SPAG17: variants seen among roughly 807,000 people sequenced by gnomAD.
The protein encoded by SPAG17 is sperm associated antigen 17.
Under a neutral mutation model 273.6 loss-of-function variants are expected in SPAG17, and 169 were observed. That is an observed-to-expected ratio of 0.62 (90% CI 0.55 to 0.70). The LOEUF (loss-of-function observed/expected upper bound fraction) is 0.70, where lower values mean the gene tolerates loss of function less well. Among genes scored for constraint, SPAG17 ranks in the 30% least tolerant of loss-of-function variants. The pLI is 0.00. For synonymous variants in SPAG17, 825 were observed against 873.2 expected, an observed-to-expected ratio of 0.94 and a Z score of 0.97; for missense variants, 2,557 against 2,627.8, an observed-to-expected ratio of 0.97 and a Z score of 0.59.
At position 117,983,915 on chromosome 1, in the gene SPAG17, T is replaced by C. The variant is rs41276606; in HGVS notation, c.5770-2A>G. 1.3e-6 allele frequency: 2 copies of C among 1,571,776 alleles called. No individual in the cohort carries two copies. Among genetic ancestry groups the C allele is most frequent in the Non-Finnish European group, 1.7e-6 (2 of 1,148,922 alleles). On this transcript the variant is annotated splice_acceptor_variant, in intron 41 of 48. Transcript: ENST00000336338. LOFTEE classifies it high-confidence loss of function. ...GGAAAGACTGTCCAGGTGATTATAC[T>C]GAAAGGAAAAAAAAACTTATTTTAG...
intron 17 of SPAG17, among the ~76,000 whole-genome samples, chr1:118,071,033 T>A (rs941731205): frequency 6.6e-6 from 1 of 151,800 alleles, no homozygotes; most frequent in Non-Finnish European, 1.5e-5. Context: ...TTTTTTTTCA[T>A]GGAGAATTTA....
intron 3 of SPAG17, among the ~76,000 whole-genome samples, chr1:118,131,326 T>C (rs576872872): frequency 4.5e-4 from 68 of 152,288 alleles, no homozygotes; most frequent in African/African-American, 1.6e-3. Flanking sequence ...GGGAGGCTCT[T>C]CCCCAGATGA....
intron 39 of SPAG17, 57 bp from the exon 40 acceptor site, chr1:117,987,938 C>A: frequency 6.9e-6 from 11 of 1,586,372 alleles, no homozygotes; most frequent in South Asian, 1.1e-5. Context: ...AGCTTAAAAA[C>A]AAAACCAAAA....
intron 25 of SPAG17, among the ~76,000 whole-genome samples, chr1:118,028,940 C>T (rs1648103013): frequency 6.6e-6 from 1 of 152,122 alleles, no homozygotes; most frequent in African/African-American, 2.4e-5. Flanking sequence ...TGTGAGGACA[C>T]ATTGAAGGAA....
intron 1 of SPAG17, among the ~76,000 whole-genome samples, chr1:118,180,620 A>G (rs1341104248): frequency 6.6e-6 from 1 of 152,092 alleles, no homozygotes; most frequent in Admixed American, 6.5e-5. Context: ...AGAAAAGACA[A>G]ATATTTAAAG....
chr1:118,050,820 C>T (rs1030255797), intron 20 of SPAG17, among the ~76,000 whole-genome samples: 2 of 151,800 alleles, frequency 1.3e-5, no homozygotes, highest in African/African-American at 4.9e-5. Flanking sequence ...AAATCTCTGT[C>T]ACATTGTTCT....
In SPAG17 at chr1:118,091,656, G is replaced by C; in HGVS notation, c.1309C>G (p.Arg437Gly). ...AGGGGCACAGAAATGAATTCCTCTC[G>C]AATTGGATTCAGCAAATAATTGTAA... ...RYYNYLLNPI[R>G]EEFISVPLIL... Residue 437 changes from arginine to glycine, a missense_variant, in exon 10 of 49, where the codon CGA becomes GGA. Transcript: ENST00000336338. 1.9e-6 allele frequency: 3 copies of C among 1,612,886 alleles called. No individual in the cohort carries two copies. In the South Asian group the frequency reaches 3.3e-5, roughly 18 times the overall value.
intron 15 of SPAG17, 141 bp downstream of exon 15, chr1:118,080,960 C>A (rs1654504141): frequency 4.5e-6 from 3 of 668,826 alleles, no homozygotes; most frequent in Non-Finnish European, 7.6e-6. Flanking sequence ...ACTTATGGAA[C>A]AACAATACTC....
chr1:117,994,093 A>T (rs1657399111), intron 35 of SPAG17, among the ~76,000 whole-genome samples: 1 of 152,178 alleles, frequency 6.6e-6, no homozygotes, highest in Non-Finnish European at 1.5e-5. Context: ...ATATAATATC[A>T]GTAATTCCAT....
Position 118,148,226 on chromosome 1 carries a change from G to A in SPAG17, c.315+2317C>T, listed in dbSNP as rs139833360. On this transcript the variant is annotated intron_variant, in intron 3 of 48. Coordinates refer to ENST00000336338, the MANE Select transcript of SPAG17 (RefSeq NM_206996.4). ...TATCAAGTGTCCTAGTGTGTCTGGA[G>A]TTGATTCCTTCCAGTGGGTTCCTCG... Among the ~76,000 whole-genome samples, 382 of 152,328 alleles carry A rather than the reference G, an allele frequency of 2.5e-3. 3 individuals are homozygous for A. The highest frequency in any genetic ancestry group is 8.9e-3 in the African/African-American group (370 of 41,568).
intron 20 of SPAG17, among the ~76,000 whole-genome samples, chr1:118,043,788 A>C (rs1037575609): frequency 2.6e-5 from 4 of 152,236 alleles, no homozygotes; most frequent in African/African-American, 9.6e-5. Flanking sequence ...AAAGTTGAGG[A>C]AATATTCGTC....
At chr1:117,990,408 A>G (rs1369061759) in intron 38 of SPAG17, among the ~76,000 whole-genome samples, 2 of 152,244 alleles carry the variant, frequency 1.3e-5, no homozygotes, top group African/African-American at 4.8e-5. Context: ...ATATACCTCC[A>G]AATGAATATT....
chr1:118,091,806 C>T, intron 9 of SPAG17, 88 bp from the exon 10 acceptor site: 1 of 1,314,590 alleles, frequency 7.6e-7, no homozygotes, highest in East Asian at 2.3e-5. Flanking sequence ...CAAACTATGA[C>T]TATGCACTAA....
At chr1:118,023,559 G>T in intron 27 of SPAG17, 96 bp from the exon 28 acceptor site, 3 of 1,203,338 alleles carry the variant, frequency 2.5e-6, no homozygotes, top group Non-Finnish European at 3.4e-6. Flanking sequence ...GCTTCAAAAT[G>T]ATCCACAGAA....
At chr1:118,043,342 C>A (rs1649990106) in intron 20 of SPAG17, among the ~76,000 whole-genome samples, 1 of 152,158 alleles carries the variant, frequency 6.6e-6, no homozygotes, top group Non-Finnish European at 1.5e-5. Flanking sequence ...TCGGACCTAG[C>A]TCACATTAAC....
At chr1:118,178,708 G>A (rs1660805902) in intron 1 of SPAG17, among the ~76,000 whole-genome samples, 1 of 151,876 alleles carries the variant, frequency 6.6e-6, no homozygotes, top group East Asian at 1.9e-4. Flanking sequence ...CAAAGAGACT[G>A]TTAGAACTGA....
intron 3 of SPAG17, among the ~76,000 whole-genome samples, chr1:118,145,941 T>C (rs907892247): frequency 2.0e-5 from 3 of 151,980 alleles, no homozygotes; most frequent in Non-Finnish European, 2.9e-5. Flanking sequence ...GCGTCTTTTA[T>C]AAATAAGTCA....
chr1:118,042,144 G>A, intron 20 of SPAG17, 102 bp from the exon 21 acceptor site: 8 of 1,380,934 alleles, frequency 5.8e-6, no homozygotes, highest in Non-Finnish European at 6.9e-6. Flanking sequence ...TTTTGTTAGT[G>A]TATCTCTGAC....
At chr1:118,017,018 A>T (rs1660045730) in intron 28 of SPAG17, among the ~76,000 whole-genome samples, 1 of 152,194 alleles carries the variant, frequency 6.6e-6, no homozygotes, top group Admixed American at 6.5e-5. Flanking sequence ...CTCTTGGAAG[A>T]TTCTCCAGAT....
Sources: allele counts gnomAD v4.1 joint callset (sites outside exome capture counted in the v4.1 genomes callset), GRCh38; gene constraint gnomAD v4.1.1; transcripts MANE v1.5; gene names NCBI Gene and HGNC (gene_info 2026-07-23, HGNC 2026-07-21).